Variants in NSUN6 observed in about 807,000 individuals in gnomAD.
NSUN6 encodes the protein NOP2/Sun RNA methyltransferase 6.
In NSUN6, 64 loss-of-function variants were observed where a neutral mutation model predicts 58.0. The ratio of observed to expected loss-of-function variants is 1.10; its 90% confidence interval spans 0.90 to 1.36. NSUN6 has a LOEUF of 1.36. NSUN6 is among the 40% of genes most tolerant of loss of function. The pLI, the probability that NSUN6 is intolerant of heterozygous loss-of-function variation, is 0.00. For synonymous variants in NSUN6, 231 were observed against 193.9 expected (o/e 1.19, Z -1.59); for missense variants, 701 against 550.1 (o/e 1.27, Z -2.74).
At chr10:18,591,208 A>G (rs1323966891) in intron 7 of NSUN6, among the ~76,000 whole-genome samples, 1 of 152,214 alleles carries the variant, frequency 6.6e-6, no homozygotes, top group African/African-American at 2.4e-5. Flanking sequence ...ATTCCTGAAT[A>G]GACCAATAAC....
chr10:18,582,463 A>T (rs1286913823), intron 8 of NSUN6, among the ~76,000 whole-genome samples: 1 of 152,196 alleles, frequency 6.6e-6, no homozygotes, highest in Middle Eastern at 3.2e-3. Flanking sequence ...GCTCCATGAG[A>T]AGAATCCGCT....
At chr10:18,625,728 A>T (rs1176178595) in intron 3 of NSUN6, among the ~76,000 whole-genome samples, 27 of 148,022 alleles carry the variant, frequency 1.8e-4, no homozygotes, top group African/African-American at 6.7e-4. Context: ...TTTAAAAAAA[A>T]AAAAAAAAAA....
At chr10:18,636,775 C>T (rs1269761181) in intron 3 of NSUN6, among the ~76,000 whole-genome samples, 1 of 151,814 alleles carries the variant, frequency 6.6e-6, no homozygotes, top group Non-Finnish European at 1.5e-5. Flanking sequence ...GCCTGTAGTC[C>T]CAGCTACTCG....
intron 8 of NSUN6, among the ~76,000 whole-genome samples, chr10:18,554,469 T>C (rs1452137838): frequency 2.0e-5 from 3 of 149,436 alleles, no homozygotes; most frequent in Admixed American, 6.7e-5. Context: ...GGGAATGGAA[T>C]GGAGTGGAGA....
At chr10:18,615,781 C>G (rs1383651326) in intron 4 of NSUN6, among the ~76,000 whole-genome samples, 1 of 152,224 alleles carries the variant, frequency 6.6e-6, no homozygotes, top group African/African-American at 2.4e-5. Flanking sequence ...ATGTCGCCAA[C>G]TGGGTGAATA....
At chr10:18,596,640 T>A (rs963530278) in intron 6 of NSUN6, among the ~76,000 whole-genome samples, 1 of 152,180 alleles carries the variant, frequency 6.6e-6, no homozygotes, top group African/African-American at 2.4e-5. Flanking sequence ...TAACCCATAT[T>A]ATTTCCTTTT....
intron 2 of NSUN6, among the ~76,000 whole-genome samples, chr10:18,644,732 C>T (rs7081690): frequency 0.35 from 52,587 of 150,474 alleles, 9,696 homozygotes; most frequent in East Asian, 0.73. Context: ...CCCAGCTACT[C>T]GGGAGGCTGA....
intron 3 of NSUN6, among the ~76,000 whole-genome samples, chr10:18,624,470 T>C (rs922561848): frequency 6.6e-6 from 1 of 151,000 alleles, no homozygotes; most frequent in Non-Finnish European, 1.5e-5. Flanking sequence ...GGTCAGGAGA[T>C]TGAGACCATC....
At chr10:18,554,950 G>GGAATA (rs2054875787) in intron 8 of NSUN6, among the ~76,000 whole-genome samples, 1 of 150,666 alleles carries the variant, frequency 6.6e-6, no homozygotes, top group Non-Finnish European at 1.5e-5. Flanking sequence ...GGAATGGAAT[G>GGAATA]AAATGAAATG....
At chr10:18,608,772 T>A (rs1352677487) in intron 6 of NSUN6, among the ~76,000 whole-genome samples, 1 of 152,128 alleles carries the variant, frequency 6.6e-6, no homozygotes, top group Non-Finnish European at 1.5e-5. Flanking sequence ...CAGGGCTACG[T>A]TGCCAAATGA....
At chr10:18,585,497 G>A (rs1466257841) in intron 8 of NSUN6, among the ~76,000 whole-genome samples, 5 of 152,146 alleles carry the variant, frequency 3.3e-5, no homozygotes, top group African/African-American at 9.7e-5. Flanking sequence ...TATGTTGTTT[G>A]CAACAAAATA....
chr10:18,581,478 G>C (rs945618973), intron 8 of NSUN6, among the ~76,000 whole-genome samples: 1 of 152,104 alleles, frequency 6.6e-6, no homozygotes, highest in Non-Finnish European at 1.5e-5. Flanking sequence ...TCTAAAAATG[G>C]GAGGTATGAA....
intron 8 of NSUN6, among the ~76,000 whole-genome samples, chr10:18,584,232 C>T (rs894411756): frequency 2.6e-5 from 4 of 152,170 alleles, no homozygotes; most frequent in Admixed American, 2.0e-4. Flanking sequence ...AGGAAGGTGC[C>T]AATTAAACTG....
intron 4 of NSUN6, among the ~76,000 whole-genome samples, chr10:18,615,156 C>T (rs1306653143): frequency 6.7e-6 from 1 of 149,080 alleles, no homozygotes. Context: ...CACATATATA[C>T]GTGTGTGTAT....
upstream of NSUN6, chr10:18,652,741 A>G (rs10829133): frequency 0.55 from 225,363 of 413,042 alleles, 62,674 homozygotes; most frequent in East Asian, 0.97. Flanking sequence ...TGTAATTTTA[A>G]TAGAGACGGG....
intron 8 of NSUN6, among the ~76,000 whole-genome samples, chr10:18,572,282 A>T (rs2056410248): frequency 6.9e-6 from 1 of 144,770 alleles, no homozygotes; most frequent in Non-Finnish European, 1.5e-5. Context: ...ATTCCCTTCC[A>T]TTCTCCATTT....
At chr10:18,603,201 G>A (rs2057915121) in intron 6 of NSUN6, among the ~76,000 whole-genome samples, 2 of 152,210 alleles carry the variant, frequency 1.3e-5, no homozygotes, top group Non-Finnish European at 2.9e-5. Context: ...GCTGAGGCAT[G>A]AGAATCGGTT....
chr10:18,594,948 G>C (rs74688143), intron 7 of NSUN6, among the ~76,000 whole-genome samples: 20,051 of 152,162 alleles, frequency 0.13, 1,665 homozygotes, highest in Middle Eastern at 0.24. Context: ...TTGAACAGTT[G>C]GACTTGCTCT....
chr10:18,618,046 G>A (rs550880046), intron 3 of NSUN6, among the ~76,000 whole-genome samples: 44 of 152,256 alleles, frequency 2.9e-4, no homozygotes, highest in African/African-American at 1.0e-3. Flanking sequence ...GACACTCAGC[G>A]TCATCTTAAA....
Sources: allele counts gnomAD v4.1 joint callset (sites outside exome capture counted in the v4.1 genomes callset), GRCh38; gene constraint gnomAD v4.1.1; transcripts MANE v1.5; gene names NCBI Gene and HGNC (gene_info 2026-07-23, HGNC 2026-07-21).